OFD1: variants seen among roughly 807,000 people sequenced by gnomAD.
OFD1 encodes centriole and centriolar satellite protein OFD1.
A neutral mutation model predicts 81.4 loss-of-function variants in OFD1; 12 were observed. That is an observed-to-expected ratio of 0.15 (90% CI 0.09 to 0.24). The LOEUF (loss-of-function observed/expected upper bound fraction) is 0.24, where lower values mean the gene tolerates loss of function less well. OFD1 is among the 10% of genes least tolerant of loss of function. The pLI, the probability that OFD1 is intolerant of heterozygous loss-of-function variation, is 1.00. For missense variants in OFD1, 685 were observed against 733.9 expected (o/e 0.93, Z 0.77); for synonymous variants, 256 against 263.7 (o/e 0.97, Z 0.28).
intron 10 of OFD1, chrX:13,753,086 T>A (rs1267407302): frequency 1.1e-5 from 10 of 944,335 alleles, no homozygotes; most frequent in Admixed American, 5.0e-5. Context: ...TGAGACCAAC[T>A]GAAAAGTGAT....
At chrX:13,729,637 G>A in the OFD1 span, among the ~76,000 whole-genome samples, 3 of 111,908 alleles carry the variant, frequency 2.7e-5, no homozygotes, top group Admixed American at 9.4e-5. Context: ...GGCTGGGCAC[G>A]GTGGCTCAAG....
chrX:13,755,764 G>C (rs1435669177), intron 12 of OFD1, among the ~76,000 whole-genome samples: 1 of 111,149 alleles, frequency 9.0e-6, no homozygotes, highest in Non-Finnish European at 1.9e-5. Context: ...TCATTCGTGT[G>C]CTTGCTGTCT....
chrX:13,752,929 T>C, intron 10 of OFD1: 1 of 910,245 alleles, frequency 1.1e-6, no homozygotes. Flanking sequence ...AGGACTGTGC[T>C]TAGTCCCTGA....
At chrX:13,749,359 G>A in intron 8 of OFD1, 68 bp from the exon 9 acceptor site, 1 of 622,225 alleles carries the variant, frequency 1.6e-6, no homozygotes, top group Non-Finnish European at 2.8e-6. Context: ...GTAGGAAGCA[G>A]TATATTCATT....
chrX:13,751,880 G>T (rs1214159090), intron 10 of OFD1, among the ~76,000 whole-genome samples: 1 of 111,994 alleles, frequency 8.9e-6, no homozygotes, highest in Non-Finnish European at 1.9e-5. Flanking sequence ...CATCCTCTGC[G>T]CTTCTTATGG....
chrX:13,740,268 T>C, intron 5 of OFD1: 1 of 677,164 alleles, frequency 1.5e-6, no homozygotes, highest in Non-Finnish European at 2.1e-6. Context: ...CTCTCTGTGA[T>C]TATGGAAATG....
chrX:13,756,193 A>G (rs1484716493), intron 12 of OFD1, among the ~76,000 whole-genome samples: 5 of 110,823 alleles, frequency 4.5e-5, no homozygotes, highest in East Asian at 5.6e-4. Context: ...AGCTCAAGCA[A>G]TCCTCTTGCC....
chrX:13,751,605 G>GGGCGGATCACCTGAGGTC (rs756138052), intron 10 of OFD1, among the ~76,000 whole-genome samples: 50 of 111,626 alleles, frequency 4.5e-4, no homozygotes, highest in African/African-American at 1.5e-3. Context: ...AGGCTGAGGT[G>GGGCGGATCACCTGAGGTC]GGCGGATCAC....
At chrX:13,762,286 C>T in intron 17 of OFD1, 58 bp from the exon 18 acceptor site, 1 of 773,524 alleles carries the variant, frequency 1.3e-6, no homozygotes, top group Non-Finnish European at 2.0e-6. Flanking sequence ...TTTTTGTCAC[C>T]TTGTACTCTT....
chrX:13,772,337 A>C (rs1417498599), downstream of OFD1: 1 of 112,128 alleles, frequency 8.9e-6, no homozygotes, highest in Non-Finnish European at 1.9e-5. Flanking sequence ...TGGGAGGGAA[A>C]AGCTAGTTTG....
intron 15 of OFD1, 87 bp from the exon 16 acceptor site, chrX:13,760,028 C>A: frequency 8.8e-7 from 1 of 1,140,032 alleles, no homozygotes; most frequent in Non-Finnish European, 1.2e-6. Flanking sequence ...TACTCTCTTC[C>A]ATTTTTCAAA....
At chrX:13,741,794 C>G (rs768613062) in intron 5 of OFD1, among the ~76,000 whole-genome samples, 1 of 111,632 alleles carries the variant, frequency 9.0e-6, no homozygotes, top group African/African-American at 3.3e-5. Context: ...GTGGAGAGAT[C>G]TTGGGACTCA....
At chrX:13,741,622 A>C (rs1272208452) in intron 5 of OFD1, among the ~76,000 whole-genome samples, 1 of 112,190 alleles carries the variant, frequency 8.9e-6, no homozygotes, top group Non-Finnish European at 1.9e-5. Context: ...GTGAGGAACA[A>C]GGCTGTTTAT....
At chrX:13,770,145 C>G (rs139650015), downstream of OFD1, among the ~76,000 whole-genome samples, 1 of 112,143 alleles carries the variant, frequency 8.9e-6, no homozygotes, top group Non-Finnish European at 1.9e-5. Context: ...TCCTAGGTTT[C>G]GTGGCAGGAT....
the OFD1 span, among the ~76,000 whole-genome samples, chrX:13,714,742 G>A: frequency 8.9e-6 from 1 of 112,009 alleles, no homozygotes; most frequent in East Asian, 2.8e-4. Context: ...TATGATAAAT[G>A]TTGCCTGTGT....
chrX:13,716,124 G>A, the OFD1 span: 16 of 1,151,131 alleles, frequency 1.4e-5, no homozygotes, highest in Admixed American at 7.7e-5. Context: ...TCTTAGAAAT[G>A]AAAAACAAAA....
chrX:13,763,944 A>G, intron 19 of OFD1, 89 bp downstream of exon 19: 1 of 713,397 alleles, frequency 1.4e-6, no homozygotes, highest in Non-Finnish European at 2.2e-6. Flanking sequence ...GTATCACTGA[A>G]GTCATCTTGT....
chrX:13,734,861 A>G lies in OFD1; in HGVS notation c.-211A>G, dbSNP rs1240351446. On this transcript the variant is annotated 5_prime_UTR_variant, in exon 1 of 23. Transcript: ENST00000340096. ...CCTCGCCCTTGCCTCAGAACCGCGAAGAAAGGAAGCTCGCGTGTTTGCTAG... is the reference window on the plus strand; with the variant it reads ...CCTCGCCCTTGCCTCAGAACCGCGAGGAAAGGAAGCTCGCGTGTTTGCTAG... The G allele has an allele frequency of 9.2e-7, 1 of 1,082,715 alleles. No individual in the cohort carries two copies. Among genetic ancestry groups the G allele is most frequent in the Admixed American group, 3.9e-5 (1 of 25,940 alleles). The allele number at this position is 1,082,715 out of a possible 1,213,427, so 89.2% of individuals were successfully genotyped here. A position where few individuals can be genotyped will look rare whatever the true frequency, so the allele number is the denominator to read the frequency against.
chrX:13,739,951 A>G (rs2047026924), intron 5 of OFD1: 1 of 890,267 alleles, frequency 1.1e-6, no homozygotes, highest in African/African-American at 2.1e-5. Flanking sequence ...TCTGTTAGTA[A>G]TAGTCCTTTT....
Sources: gnomAD v4.1 joint callset for allele counts (sites outside exome capture counted in the v4.1 genomes callset) on GRCh38, gnomAD v4.1.1 for gene constraint, MANE v1.5 for transcripts, NCBI Gene and HGNC (gene_info 2026-07-23, HGNC 2026-07-21) for gene names.